Variants in ROBO1 observed in about 807,000 individuals in gnomAD.
ROBO1 encodes the protein roundabout homolog 1.
ROBO1 carries 149 observed loss-of-function variants against 195.9 expected under a neutral mutation model. That is an observed-to-expected ratio of 0.76 (90% CI 0.67 to 0.87). The LOEUF (loss-of-function observed/expected upper bound fraction) is 0.87, where lower values mean the gene tolerates loss of function less well. Among genes scored for constraint, ROBO1 ranks in the 40% least tolerant of loss-of-function variants. The pLI, the probability that ROBO1 is intolerant of heterozygous loss-of-function variation, is 0.00. For synonymous variants in ROBO1, 816 were observed against 733.2 expected (o/e 1.11, Z -1.82); for missense variants, 1,933 against 2,068.3 (o/e 0.93, Z 1.27).
In ROBO1 at chr3:78,741,910, C is replaced by G. The variant is rs1270222408; in HGVS notation, c.657+4833G>C. ...CTAAGAAATATGTGCCAAAAAAGTT[C>G]TAAAAGACTCTCCTATCATGTAAGA... On this transcript the variant is annotated intron_variant, in intron 5 of 30. Coordinates refer to ENST00000464233, the MANE Select transcript of ROBO1 (RefSeq NM_002941.4). Among the ~76,000 whole-genome samples the G allele has an allele frequency of 2.0e-5, 3 of 152,120 alleles. No individual in the cohort carries two copies. The East Asian group carries it at 5.8e-4, about 29-fold the overall frequency.
intron 2 of ROBO1, among the ~76,000 whole-genome samples, chr3:79,506,091 T>C (rs935357515): frequency 2.6e-5 from 4 of 152,112 alleles, no homozygotes; most frequent in Admixed American, 6.5e-5. Flanking sequence ...AATCTGCATT[T>C]TATTAAATTG....
At chr3:79,219,664 T>C (rs750048320) in intron 2 of ROBO1, among the ~76,000 whole-genome samples, 1 of 152,022 alleles carries the variant, frequency 6.6e-6, no homozygotes, top group Non-Finnish European at 1.5e-5. Flanking sequence ...TGCTGTTCAT[T>C]TTTCTAGTAA....
intron 1 of ROBO1, among the ~76,000 whole-genome samples, chr3:79,709,149 A>G (rs1702177200): frequency 6.6e-6 from 1 of 152,176 alleles, no homozygotes; most frequent in South Asian, 2.1e-4. Flanking sequence ...AAATAAGATC[A>G]GTGTAAACAA....
intron 2 of ROBO1, among the ~76,000 whole-genome samples, chr3:79,435,503 G>T (rs2038852755): frequency 6.6e-6 from 1 of 152,002 alleles, no homozygotes; most frequent in Admixed American, 6.6e-5. Flanking sequence ...TTATTTTTTA[G>T]GTTTATTCTT....
intron 3 of ROBO1, among the ~76,000 whole-genome samples, chr3:79,101,894 C>A (rs1049037493): frequency 1.3e-5 from 2 of 151,854 alleles, no homozygotes; most frequent in African/African-American, 4.8e-5. Context: ...TCAATAAATG[C>A]AAACAAGTTT....
chr3:79,583,387 A>G (rs1043224299), intron 2 of ROBO1, among the ~76,000 whole-genome samples: 31 of 151,964 alleles, frequency 2.0e-4, no homozygotes, highest in African/African-American at 3.6e-4. Context: ...TTTAGTTCAT[A>G]TTATCTACAA....
chr3:79,112,153 G>T (rs1007682115), intron 3 of ROBO1, among the ~76,000 whole-genome samples: 3 of 152,138 alleles, frequency 2.0e-5, no homozygotes, highest in African/African-American at 7.2e-5. Context: ...GACACATGCG[G>T]CTTGCATCTG....
intron 8 of ROBO1, among the ~76,000 whole-genome samples, chr3:78,709,702 TAAA>T (rs762552375): frequency 7.9e-4 from 120 of 152,288 alleles, no homozygotes; most frequent in Middle Eastern, 3.4e-3. Context: ...ATTAAGGAGA[TAAA>T]GAAGTTTTTG....
chr3:79,736,046 T>TA (rs1207806172), intron 1 of ROBO1, among the ~76,000 whole-genome samples: 2 of 151,978 alleles, frequency 1.3e-5, no homozygotes, highest in East Asian at 1.9e-4. Context: ...AGTGCGTGTG[T>TA]AAAAAAAATT....
intron 1 of ROBO1, among the ~76,000 whole-genome samples, chr3:79,737,882 T>C (rs73126746): frequency 6.6e-6 from 1 of 152,342 alleles, no homozygotes; most frequent in Non-Finnish European, 1.5e-5. Flanking sequence ...ATCTTTCTTC[T>C]TTATTTACCT....
intron 2 of ROBO1, among the ~76,000 whole-genome samples, chr3:79,520,084 C>G (rs922655891): frequency 1.3e-5 from 2 of 151,720 alleles, no homozygotes; most frequent in African/African-American, 4.8e-5. Context: ...ATTGCTTGAG[C>G]CCAGGGGGTC....
At chr3:79,026,400 T>C (rs974185073) in intron 3 of ROBO1, among the ~76,000 whole-genome samples, 1 of 152,080 alleles carries the variant, frequency 6.6e-6, no homozygotes, top group Admixed American at 6.5e-5. Context: ...AGTGTGTATG[T>C]TTTGGTTTTT....
intron 1 of ROBO1, among the ~76,000 whole-genome samples, chr3:79,641,043 A>T (rs1339563034): frequency 2.0e-5 from 3 of 152,116 alleles, no homozygotes; most frequent in Non-Finnish European, 4.4e-5. Flanking sequence ...GGTGGATTGG[A>T]TATAGGGAAG....
At chr3:79,344,816 A>C (rs748359739) in intron 2 of ROBO1, among the ~76,000 whole-genome samples, 1 of 152,078 alleles carries the variant, frequency 6.6e-6, no homozygotes, top group Non-Finnish European at 1.5e-5. Context: ...GGAGGGAAGC[A>C]TTTGGACTCT....
At chr3:79,704,512 T>C (rs1364920015) in intron 1 of ROBO1, among the ~76,000 whole-genome samples, 13 of 152,044 alleles carry the variant, frequency 8.6e-5, no homozygotes. Flanking sequence ...TTTTCCTGAC[T>C]TGGTAGTTTT....
At chr3:79,054,058 C>A (rs147860522) in intron 3 of ROBO1, among the ~76,000 whole-genome samples, 1 of 152,104 alleles carries the variant, frequency 6.6e-6, no homozygotes. Context: ...GCTGTTCTAA[C>A]CCCATCTCAG....
At chr3:78,943,475 A>C (rs1473605267) in intron 3 of ROBO1, among the ~76,000 whole-genome samples, 3 of 152,216 alleles carry the variant, frequency 2.0e-5, no homozygotes, top group Non-Finnish European at 4.4e-5. Context: ...ATGTCTCAGC[A>C]ATAAAAATGT....
At chr3:79,126,583 C>T (rs1348816429) in intron 2 of ROBO1, among the ~76,000 whole-genome samples, 5 of 152,184 alleles carry the variant, frequency 3.3e-5, no homozygotes, top group Non-Finnish European at 7.4e-5. Context: ...AGTGTACCTC[C>T]TAAATCGAAT....
At chr3:79,389,827 C>A (rs2036882172) in intron 2 of ROBO1, among the ~76,000 whole-genome samples, 1 of 151,998 alleles carries the variant, frequency 6.6e-6, no homozygotes, top group Non-Finnish European at 1.5e-5. Context: ...AGGTTAGAGT[C>A]CTATGGCCAA....
Sources: allele counts gnomAD v4.1 joint callset (sites outside exome capture counted in the v4.1 genomes callset), GRCh38; gene constraint gnomAD v4.1.1; transcripts MANE v1.5; gene names NCBI Gene and HGNC (gene_info 2026-07-23, HGNC 2026-07-21).